The following XBP1 variants were observed in gnomAD, a reference collection of about 807,000 sequenced individuals.
XBP1 encodes the protein X-box-binding protein 1.
In XBP1, 18 loss-of-function variants were observed where a neutral mutation model predicts 34.6. The observed-to-expected ratio is 0.52, with a 90% CI of 0.36 to 0.77. The LOEUF is 0.77. XBP1 is among the 30% of genes least tolerant of loss of function. The pLI is 0.00. For missense variants in XBP1, 422 were observed against 464.6 expected (o/e 0.91, Z 0.84); for synonymous variants, 191 against 193.4 (o/e 0.99, Z 0.11).
Position 28,800,341 on chromosome 22 carries a change from G to A in XBP1, c.184C>T (p.Gln62Ter). 1 of 1,550,338 alleles carries A rather than the reference G, an allele frequency of 6.5e-7. No homozygotes were observed. Among genetic ancestry groups the A allele is most frequent in the Non-Finnish European group, 8.7e-7 (1 of 1,150,394 alleles). ...TCGGGGCTCAGGTGCGTGAGGCGCT[G>A]TCGCTTGCGCGCCTGGGGCAGCCCC... Residue 62 changes from glutamine (Q) to a stop codon, truncating the protein, a stop_gained, in exon 1 of 6, where the codon CAG (glutamine) becomes TAG (stop). Transcript: ENST00000344347. LOFTEE classifies it high-confidence loss of function.
At chr22:28,797,797 G>GATAATAATAATA (rs148051775) in intron 2 of XBP1, among the ~76,000 whole-genome samples, 5 of 149,954 alleles carry the variant, frequency 3.3e-5, no homozygotes, top group Non-Finnish European at 7.4e-5. Flanking sequence ...TAATGATGAT[G>GATAATAATAATA]ATAATAATAA....
chr22:28,798,836 G>T, intron 2 of XBP1: 1 of 339,410 alleles, frequency 2.9e-6, no homozygotes, highest in Non-Finnish European at 5.4e-6. Flanking sequence ...GGCTAGGCTG[G>T]TCTCAAACTG....
At chr22:28,799,187 T>C (rs774997808) in intron 1 of XBP1, 34 bp from the exon 2 acceptor site, 6 of 1,521,656 alleles carry the variant, frequency 3.9e-6, no homozygotes, top group African/African-American at 1.4e-5. Flanking sequence ...CACTGAGTCA[T>C]ATCAAACCTT....
chr22:28,797,191 C>G (rs1364565609), exon 3 of XBP1: 4 of 1,612,396 alleles, frequency 2.5e-6, no homozygotes, highest in Non-Finnish European at 3.4e-6. Context: ...GATTTTCTAG[C>G]AAAAGTTTTT....
rs763098411 is a variant in XBP1, at chr22:28,795,632, T to G, written c.674A>C (p.Tyr225Ser). ...TGGTAAGGAACTGGGTCCTTCTGGGTAGACCTCTGGGAGCTCCTCCAGGCT... is the reference window on the plus strand; with the variant it reads ...TGGTAAGGAACTGGGTCCTTCTGGGGAGACCTCTGGGAGCTCCTCCAGGCT... The change falls in exon 6 of 6, where the codon TAC becomes TCC. Residue 225 changes from tyrosine to serine, a missense_variant. Coordinates refer to ENST00000344347, the Ensembl canonical transcript of XBP1. 7 of 1,612,898 alleles carry G rather than the reference T, an allele frequency of 4.3e-6. No homozygotes were observed. The Admixed American group carries it at 5.0e-5, about 12-fold the overall frequency.
upstream of XBP1, chr22:28,800,544 C>T: frequency 2.0e-6 from 3 of 1,473,884 alleles, no homozygotes; most frequent in East Asian, 2.9e-5. Flanking sequence ...CTACGCACCG[C>T]GCACCGCGCG....
At chr22:28,795,902 TG>T in intron 5 of XBP1, 144 bp downstream of exon 5, 1 of 1,265,114 alleles carries the variant, frequency 7.9e-7, no homozygotes, top group East Asian at 2.3e-5. Flanking sequence ...CTATATTACC[TG>T]GAACTAGGAA....
chr22:28,795,353 T>C, exon 6 of XBP1: 1 of 1,551,972 alleles, frequency 6.4e-7, no homozygotes, highest in African/African-American at 1.4e-5. Flanking sequence ...TGAAAGCAGA[T>C]TTGAGATACC....
At chr22:28,795,829 C>A in intron 5 of XBP1, 97 bp from the exon 6 acceptor site, 1 of 1,363,578 alleles carries the variant, frequency 7.3e-7, no homozygotes, top group Non-Finnish European at 9.9e-7. Flanking sequence ...GTAAATTAGT[C>A]ATTATGTGAT....
At chr22:28,795,385 T>A (rs1422978626) in exon 6 of XBP1, 9 of 1,554,900 alleles carry the variant, frequency 5.8e-6, no homozygotes, top group African/African-American at 2.7e-5. Context: ...CGAGGTCATC[T>A]TCTACAGGTT....
chr22:28,797,265 C>G, intron 2 of XBP1, 60 bp from the exon 3 acceptor site: 2 of 1,563,992 alleles, frequency 1.3e-6, no homozygotes, highest in African/African-American at 1.4e-5. Flanking sequence ...AAGAATCTAC[C>G]TGATTCAGTA....
intron 2 of XBP1, among the ~76,000 whole-genome samples, chr22:28,797,660 T>TA (rs1157470067): frequency 6.6e-6 from 1 of 152,012 alleles, no homozygotes; most frequent in Admixed American, 6.6e-5. Flanking sequence ...GGGGTGCCTG[T>TA]AATCCCAGCT....
At chr22:28,799,786 T>G in intron 1 of XBP1, among the ~76,000 whole-genome samples, 1 of 152,160 alleles carries the variant, frequency 6.6e-6, no homozygotes, top group East Asian at 1.9e-4. Context: ...GCTAGGCACA[T>G]TATATCCAAG....
At chr22:28,800,267 AT>A in intron 1 of XBP1, 30 bp downstream of exon 1, 1 of 1,547,132 alleles carries the variant, frequency 6.5e-7, no homozygotes, top group Non-Finnish European at 8.7e-7. Flanking sequence ...CCGGCTTCAG[AT>A]CTGGCCCCAG....
In XBP1 at chr22:28,799,084, T is replaced by C. The variant is rs770912503; in HGVS notation, c.297A>G (p.Glu99=). ...CTTCTTCTAAATCTACCACTTGCTG[T>C]TCCAGCTCACTCATTCGAGCCTTCT... Residue 99 remains glutamate (E), a synonymous_variant, in exon 2 of 6, where the codon GAA becomes GAG. Transcript: ENST00000344347. The C allele has an allele frequency of 7.4e-6, 12 of 1,614,208 alleles. 1 individual carries two copies. The South Asian group carries it at 9.9e-5, about 13-fold the overall frequency.
chr22:28,800,259 G>A, intron 1 of XBP1, 39 bp downstream of exon 1: 1 of 1,544,686 alleles, frequency 6.5e-7, no homozygotes, highest in South Asian at 1.2e-5. Context: ...CCCTAGTCCC[G>A]GCTTCAGATC....
At chr22:28,800,068 TA>T in intron 1 of XBP1, 1 of 770,030 alleles carries the variant, frequency 1.3e-6, no homozygotes, top group Non-Finnish European at 2.4e-6. Context: ...ACGAGAGAGT[TA>T]AAAAGTACAG....
At chr22:28,795,254 A>G in exon 6 of XBP1, 1 of 1,551,366 alleles carries the variant, frequency 6.4e-7, no homozygotes. Context: ...CAGAGAGGAC[A>G]TGTCACTGAA....
chr22:28,797,196 G>GC lies in XBP1; in HGVS notation c.333_334insG (p.Leu112AlafsTer18). The GC allele has an allele frequency of 6.2e-7, 1 of 1,612,348 alleles. No individual in the cohort carries two copies. The highest frequency in any genetic ancestry group is 1.1e-5 in the South Asian group (1 of 90,820). Reference sequence around the variant, plus strand: ...CGTAAAAGCTGATTTTCTAGCAAAAGTTTTTGGTTCTGGAAGAAAGTTCAT... The same window carrying GC: ...CGTAAAAGCTGATTTTCTAGCAAAAGCTTTTTGGTTCTGGAAGAAAGTTCAT... On this transcript the variant is annotated frameshift_variant, in exon 3 of 6. Transcript: ENST00000344347. LOFTEE classifies it high-confidence loss of function.
Sources: gnomAD v4.1 joint callset for allele counts (sites outside exome capture counted in the v4.1 genomes callset) on GRCh38, gnomAD v4.1.1 for gene constraint, MANE v1.5 for transcripts, NCBI Gene and HGNC (gene_info 2026-07-23, HGNC 2026-07-21) for gene names.